Variants in ADK observed in about 807,000 individuals in gnomAD.
ADK encodes N6,N6-dimethyladenosine kinase.
Under a neutral mutation model 44.7 loss-of-function variants are expected in ADK, and 24 were observed. The observed-to-expected ratio is 0.54, with a 90% CI of 0.39 to 0.76. ADK has a LOEUF of 0.76. ADK is among the 30% of genes least tolerant of loss of function. ADK has a pLI of 0.00. For synonymous variants in ADK, 128 were observed against 142.6 expected (o/e 0.90, Z 0.73); for missense variants, 321 against 425.1 (o/e 0.76, Z 2.15).
At chr10:74,164,092 T>G (rs1841972645) in intron 1 of ADK, among the ~76,000 whole-genome samples, 1 of 152,238 alleles carries the variant, frequency 6.6e-6, no homozygotes, top group Non-Finnish European at 1.5e-5. Context: ...TTGATGCATA[T>G]AAAACATAGT....
intron 4 of ADK, among the ~76,000 whole-genome samples, chr10:74,337,848 C>T (rs535013724): frequency 1.3e-5 from 2 of 151,648 alleles, no homozygotes; most frequent in Non-Finnish European, 2.9e-5. Flanking sequence ...CCGCAGCCTC[C>T]GCCTCCCGGG....
At chr10:74,436,650 A>T (rs1390752152) in intron 6 of ADK, among the ~76,000 whole-genome samples, 1 of 152,182 alleles carries the variant, frequency 6.6e-6, no homozygotes, top group African/African-American at 2.4e-5. Flanking sequence ...AAGCCAACTA[A>T]TTGGTGAAAA....
At chr10:74,205,675 C>CAAAAAA (rs11419041) in intron 2 of ADK, among the ~76,000 whole-genome samples, 34 of 85,174 alleles carry the variant, frequency 4.0e-4, no homozygotes, top group Non-Finnish European at 5.6e-4. Context: ...GAATCTGTCT[C>CAAAAAA]AAAAAAAAAA....
At chr10:74,463,247 T>G (rs1342600397) in intron 6 of ADK, among the ~76,000 whole-genome samples, 1 of 152,154 alleles carries the variant, frequency 6.6e-6, no homozygotes, top group Non-Finnish European at 1.5e-5. Context: ...TCAAGTGCAT[T>G]GCATTTGTCG....
intron 10 of ADK, among the ~76,000 whole-genome samples, chr10:74,681,653 G>A (rs1362596706): frequency 1.6e-5 from 2 of 128,780 alleles, no homozygotes; most frequent in Non-Finnish European, 3.4e-5. Flanking sequence ...CGAGACCACC[G>A]GCCAACACAA....
At chr10:74,223,032 T>C (rs1564603015) in intron 2 of ADK, among the ~76,000 whole-genome samples, 2 of 152,050 alleles carry the variant, frequency 1.3e-5, no homozygotes, top group African/African-American at 4.8e-5. Context: ...TAAAAATAAA[T>C]AAAAAGTGAA....
At chr10:74,331,471 GTCTACATT>G (rs1401952349) in intron 4 of ADK, among the ~76,000 whole-genome samples, 1 of 152,098 alleles carries the variant, frequency 6.6e-6, no homozygotes, top group East Asian at 1.9e-4. Context: ...GTAAACATTA[GTCTACATT>G]TCTATTTATT....
chr10:74,568,262 C>T (rs1850768513), intron 7 of ADK, among the ~76,000 whole-genome samples: 1 of 152,156 alleles, frequency 6.6e-6, no homozygotes, highest in Non-Finnish European at 1.5e-5. Context: ...AAAGATTGGA[C>T]ATCCTTTATG....
chr10:74,509,661 G>A (rs1170732775), intron 6 of ADK, among the ~76,000 whole-genome samples: 2 of 151,770 alleles, frequency 1.3e-5, no homozygotes, highest in Non-Finnish European at 2.9e-5. Flanking sequence ...TCCTGCAGAG[G>A]TATAGAATTC....
intron 6 of ADK, among the ~76,000 whole-genome samples, chr10:74,509,058 G>A (rs1848194272): frequency 6.6e-6 from 1 of 152,080 alleles, no homozygotes; most frequent in South Asian, 2.1e-4. Context: ...TTGAACTCCT[G>A]GCCTCACCCT....
At chr10:74,447,190 A>G (rs1490881179) in intron 6 of ADK, among the ~76,000 whole-genome samples, 1 of 152,168 alleles carries the variant, frequency 6.6e-6, no homozygotes, top group African/African-American at 2.4e-5. Flanking sequence ...TGAAAACCCC[A>G]AAAAACCAAT....
At chr10:74,501,531 C>T (rs925229484) in intron 6 of ADK, among the ~76,000 whole-genome samples, 3 of 152,058 alleles carry the variant, frequency 2.0e-5, no homozygotes, top group African/African-American at 7.2e-5. Flanking sequence ...TTTAAAAGTG[C>T]ACCTTTGATG....
intron 7 of ADK, among the ~76,000 whole-genome samples, chr10:74,581,143 A>G (rs1302502120): frequency 6.6e-6 from 1 of 152,208 alleles, no homozygotes; most frequent in Non-Finnish European, 1.5e-5. Flanking sequence ...GAAATGATAC[A>G]GATGTTAGGA....
At position 74,394,254 on chromosome 10, in the gene ADK, C is replaced by G. The variant is rs1468880977; in HGVS notation, c.387C>G (p.Tyr129Ter). Residue 129 changes from tyrosine to a stop codon, truncating the protein, a stop_gained, in exon 5 of 11, where the codon TAC becomes TAG. Transcript: ENST00000539909. LOFTEE classifies it high-confidence loss of function. ...CTGAAGCCCATGTGGATGCTCATTA[C>G]TACGAGCAGAATGAGCAGCCAACAG... is the stretch of plus-strand genomic sequence containing the variant. ...KAAEAHVDAHYYEQNEQPTGT... is the reference protein window; with the variant it reads ...KAAEAHVDAH The G allele has an allele frequency of 1.2e-6, 2 of 1,613,944 alleles. No homozygotes were observed. The highest frequency in any genetic ancestry group is 1.7e-6 in the Non-Finnish European group (2 of 1,179,866).
chr10:74,573,514 A>G (rs1589261038), intron 7 of ADK, among the ~76,000 whole-genome samples: 1 of 152,296 alleles, frequency 6.6e-6, no homozygotes, highest in East Asian at 1.9e-4. Context: ...GCGTGCTGGG[A>G]GAACCACTGC....
intron 3 of ADK, among the ~76,000 whole-genome samples, chr10:74,248,103 A>C (rs1165083281): frequency 6.6e-6 from 1 of 152,190 alleles, no homozygotes; most frequent in Non-Finnish European, 1.5e-5. Flanking sequence ...AATTCAAAGA[A>C]AGATAATTAG....
intron 2 of ADK, among the ~76,000 whole-genome samples, chr10:74,223,278 C>G (rs1284435013): frequency 1.3e-5 from 2 of 152,066 alleles, no homozygotes; most frequent in African/African-American, 4.8e-5. Flanking sequence ...TTAAAGCCAC[C>G]AGCTCCCCTC....
At chr10:74,519,543 A>C (rs747165171) in intron 6 of ADK, among the ~76,000 whole-genome samples, 5 of 151,984 alleles carry the variant, frequency 3.3e-5, no homozygotes, top group Non-Finnish European at 7.4e-5. Flanking sequence ...AAATAAGTAC[A>C]CTGATAAGTT....
chr10:74,572,979 A>T (rs1029994836), intron 7 of ADK, among the ~76,000 whole-genome samples: 2 of 152,114 alleles, frequency 1.3e-5, no homozygotes, highest in Non-Finnish European at 2.9e-5. Flanking sequence ...TAGTTTGATC[A>T]TCTGAAGCCT....
Sources: allele counts gnomAD v4.1 joint callset (sites outside exome capture counted in the v4.1 genomes callset), GRCh38; gene constraint gnomAD v4.1.1; transcripts MANE v1.5; gene names NCBI Gene and HGNC (gene_info 2026-07-23, HGNC 2026-07-21).